The following STXBP6 variants were observed in gnomAD, a reference collection of about 807,000 sequenced individuals.
STXBP6 encodes the protein syntaxin-binding protein 6.
In STXBP6, 21 loss-of-function variants were observed where a neutral mutation model predicts 26.9. The ratio of observed to expected loss-of-function variants is 0.78; its 90% CI spans 0.55 to 1.12. The LOEUF (loss-of-function observed/expected upper bound fraction) is 1.12, where lower values mean the gene tolerates loss of function less well. Among genes scored for constraint, STXBP6 ranks in the 50% most tolerant of loss-of-function variants. The probability of loss-of-function intolerance (pLI) is 0.00; values close to 1 mark genes in which losing one functional copy is unlikely to be tolerated. For missense variants in STXBP6, 232 were observed against 257.9 expected (o/e 0.90, Z 0.69); for synonymous variants, 97 against 92.6 (o/e 1.05, Z -0.27).
At chr14:24,996,930 T>C (rs141520115) in intron 1 of STXBP6, among the ~76,000 whole-genome samples, 53 of 149,390 alleles carry the variant, frequency 3.5e-4, no homozygotes, top group African/African-American at 1.3e-3. Flanking sequence ...TACCAAGACT[T>C]AGCTCCAGAG....
intron 1 of STXBP6, among the ~76,000 whole-genome samples, chr14:25,004,181 T>C (rs1566554050): frequency 6.6e-6 from 1 of 152,202 alleles, no homozygotes; most frequent in African/African-American, 2.4e-5. Context: ...AATACAGTGA[T>C]AGGCCAAACA....
chr14:25,041,550 G>A (rs1485586805), intron 1 of STXBP6, among the ~76,000 whole-genome samples: 2 of 152,080 alleles, frequency 1.3e-5, no homozygotes, highest in Non-Finnish European at 2.9e-5. Context: ...AGCTTAGACT[G>A]TACAAAGTCA....
At chr14:24,919,612 T>C (rs1420771591) in intron 2 of STXBP6, among the ~76,000 whole-genome samples, 2 of 151,646 alleles carry the variant, frequency 1.3e-5, no homozygotes, top group Non-Finnish European at 2.9e-5. Flanking sequence ...CTAAGAGGAG[T>C]TATTTTGCGC....
chr14:24,819,426 A>G (rs2068077243), intron 4 of STXBP6: 2 of 599,424 alleles, frequency 3.3e-6, no homozygotes, highest in Non-Finnish European at 6.0e-6. Flanking sequence ...GCTTCTCTAT[A>G]AACTCATCAC....
chr14:24,960,863 C>T (rs888602887), intron 2 of STXBP6, among the ~76,000 whole-genome samples: 4 of 152,188 alleles, frequency 2.6e-5, no homozygotes, highest in African/African-American at 9.6e-5. Flanking sequence ...TTCAGCTTGG[C>T]CAATAATCAC....
intron 2 of STXBP6, among the ~76,000 whole-genome samples, chr14:24,865,831 T>C (rs1291561223): frequency 1.3e-5 from 2 of 152,096 alleles, no homozygotes; most frequent in Admixed American, 1.3e-4. Context: ...ATAGCAACAG[T>C]AGCAAAATTT....
chr14:24,904,478 A>G (rs2071320048), intron 2 of STXBP6, among the ~76,000 whole-genome samples: 1 of 152,142 alleles, frequency 6.6e-6, no homozygotes, highest in Admixed American at 6.5e-5. Flanking sequence ...CCTAATACCT[A>G]TTATATATCT....
chr14:24,973,553 T>C (rs1306934198), intron 2 of STXBP6, among the ~76,000 whole-genome samples: 1 of 151,884 alleles, frequency 6.6e-6, no homozygotes, highest in Non-Finnish European at 1.5e-5. Context: ...GCCTGGCTAA[T>C]TTTTTTATTT....
At chr14:24,878,267 C>T (rs763616985) in intron 2 of STXBP6, among the ~76,000 whole-genome samples, 3 of 151,978 alleles carry the variant, frequency 2.0e-5, no homozygotes, top group Non-Finnish European at 2.9e-5. Context: ...TATGGTGTCA[C>T]GATTTTCAGT....
chr14:24,907,778 A>G (rs1349040523), intron 2 of STXBP6, among the ~76,000 whole-genome samples: 1 of 152,092 alleles, frequency 6.6e-6, no homozygotes, highest in African/African-American at 2.4e-5. Context: ...CCTCTTTTTA[A>G]AAGTTTTTTT....
intron 2 of STXBP6, among the ~76,000 whole-genome samples, chr14:24,942,896 G>C (rs2072853277): frequency 6.6e-6 from 1 of 152,202 alleles, no homozygotes; most frequent in Non-Finnish European, 1.5e-5. Flanking sequence ...TCTTGGCCCA[G>C]AGGAGAAAAC....
At chr14:24,863,138 T>C (rs570230862) in intron 2 of STXBP6, among the ~76,000 whole-genome samples, 68 of 152,268 alleles carry the variant, frequency 4.5e-4, no homozygotes, top group Non-Finnish European at 8.5e-4. Context: ...CCTGGACTAT[T>C]ACATTTTAAC....
Position 24,946,442 on chromosome 14 carries a change from T to G in STXBP6, c.154+28223A>C, listed in dbSNP as rs543566839. On this transcript the variant is annotated intron_variant, in intron 2 of 5. Coordinates refer to ENST00000323944, the MANE Select transcript of STXBP6 (RefSeq NM_001394410.1). ...AAAAGCAAGTGGTGGGGTAGAAAGG[T>G]AACCAAGATAAAATATGGTATGTTT... Among the ~76,000 whole-genome samples, 39 of 152,186 alleles carry G rather than the reference T, an allele frequency of 2.6e-4. No individual in the cohort carries two copies. The East Asian group carries it at 6.6e-3, about 26-fold the overall frequency.
chr14:25,049,973 G>A lies in STXBP6; in HGVS notation c.-128C>T. The A allele has an allele frequency of 1.3e-6, 1 of 747,630 alleles. No homozygotes were observed. The allele number at this position is 747,630 out of a possible 1,614,324, so 46.3% of individuals were successfully genotyped here. A position where few individuals can be genotyped will look rare whatever the true frequency, so the allele number is the denominator to read the frequency against. On this transcript the variant is annotated 5_prime_UTR_variant, in exon 1 of 6. Coordinates refer to ENST00000323944, the MANE Select transcript of STXBP6 (RefSeq NM_001394410.1). The surrounding 1 kb of genome is among the most constrained non-coding windows in gnomAD (Gnocchi z 5.6). The stretch of plus-strand genomic sequence containing the variant: ...GGGGGGCTGCCCCGCGCGGGGCTCC[G>A]GGCTCCGGACAAGGCTTAGCCGGCC...
At chr14:25,021,399 CA>C (rs2075260634) in intron 1 of STXBP6, among the ~76,000 whole-genome samples, 1 of 152,188 alleles carries the variant, frequency 6.6e-6, no homozygotes, top group Non-Finnish European at 1.5e-5. Context: ...GCCTTTAAAG[CA>C]CTCCAACTCT....
At chr14:24,975,098 G>C (rs2074011026) in intron 1 of STXBP6, among the ~76,000 whole-genome samples, 1 of 152,122 alleles carries the variant, frequency 6.6e-6, no homozygotes, top group Non-Finnish European at 1.5e-5. Context: ...TATGAGATGA[G>C]TAGTACAAAC....
intron 4 of STXBP6, among the ~76,000 whole-genome samples, chr14:24,836,173 C>G (rs2068606014): frequency 6.6e-6 from 1 of 152,198 alleles, no homozygotes; most frequent in Admixed American, 6.5e-5. Context: ...TGATTGGCAA[C>G]ATGCCTTTAA....
At chr14:24,896,188 G>C (rs2070985572) in intron 2 of STXBP6, among the ~76,000 whole-genome samples, 1 of 152,146 alleles carries the variant, frequency 6.6e-6, no homozygotes, top group Non-Finnish European at 1.5e-5. Flanking sequence ...TGTGGTCCCA[G>C]GATGTGTGTT....
chr14:24,863,776 G>A (rs746300688), intron 2 of STXBP6, among the ~76,000 whole-genome samples: 25 of 152,110 alleles, frequency 1.6e-4, no homozygotes, highest in Non-Finnish European at 3.2e-4. Context: ...AACTTCCTTA[G>A]ACATTTCTCC....
Sources: allele counts gnomAD v4.1 joint callset (sites outside exome capture counted in the v4.1 genomes callset), GRCh38; gene constraint gnomAD v4.1.1; non-coding constraint Gnocchi (gnomAD v3.1); transcripts MANE v1.5; gene names NCBI Gene and HGNC (gene_info 2026-07-23, HGNC 2026-07-21).